Variants in TCF7L2 observed in about 807,000 individuals in gnomAD.
TCF7L2 encodes the protein transcription factor 7-like 2.
TCF7L2 carries 23 observed loss-of-function variants against 77.9 expected under a neutral mutation model. The observed-to-expected ratio is 0.30, with a 90% CI of 0.21 to 0.42. The LOEUF (loss-of-function observed/expected upper bound fraction) is 0.42, where lower values mean the gene tolerates loss of function less well. TCF7L2 is among the 10% of genes least tolerant of loss of function. TCF7L2 has a pLI of 1.00. For missense variants in TCF7L2, 654 were observed against 793.1 expected (o/e 0.82, Z 2.11); for synonymous variants, 413 against 340.2 (o/e 1.21, Z -2.36).
chr10:112,990,481 T>C (rs1318428505), intron 4 of TCF7L2, among the ~76,000 whole-genome samples: 2 of 151,612 alleles, frequency 1.3e-5, no homozygotes, highest in African/African-American at 2.4e-5. Context: ...CTGAGGTGGG[T>C]GGATCGCTTG....
At chr10:113,156,055 G>A (rs1383956097) in intron 11 of TCF7L2, among the ~76,000 whole-genome samples, 1 of 152,082 alleles carries the variant, frequency 6.6e-6, no homozygotes, top group Non-Finnish European at 1.5e-5. Flanking sequence ...TAAGCTTGGT[G>A]GCATCACCAC....
intron 5 of TCF7L2, among the ~76,000 whole-genome samples, chr10:113,063,854 G>C (rs2056857052): frequency 6.6e-6 from 1 of 151,672 alleles, no homozygotes; most frequent in African/African-American, 2.4e-5. Flanking sequence ...AGAGTAGGCA[G>C]TAGGAGAAGA....
At chr10:113,001,909 G>C (rs1442083437) in intron 4 of TCF7L2, among the ~76,000 whole-genome samples, 1 of 152,178 alleles carries the variant, frequency 6.6e-6, no homozygotes, top group Admixed American at 6.5e-5. Flanking sequence ...CTGATTATCA[G>C]CATAGGCAGG....
intron 4 of TCF7L2, among the ~76,000 whole-genome samples, chr10:112,977,730 A>G (rs1319694333): frequency 6.6e-6 from 1 of 152,160 alleles, no homozygotes; most frequent in Non-Finnish European, 1.5e-5. Flanking sequence ...GTTGGTGAAC[A>G]TTAGTCAAAG....
chr10:113,039,628 A>G (rs918092182), intron 4 of TCF7L2, among the ~76,000 whole-genome samples: 1 of 152,144 alleles, frequency 6.6e-6, no homozygotes, highest in Non-Finnish European at 1.5e-5. Flanking sequence ...GTTTCCTAGG[A>G]CACTTCTGGC....
chr10:113,022,764 G>A (rs1034563202), intron 4 of TCF7L2, among the ~76,000 whole-genome samples: 3 of 152,078 alleles, frequency 2.0e-5, no homozygotes, highest in Non-Finnish European at 4.4e-5. Context: ...ATCCTTACAC[G>A]AACTCTGAGA....
chr10:113,095,637 C>T (rs957084275), intron 5 of TCF7L2, among the ~76,000 whole-genome samples: 4 of 152,190 alleles, frequency 2.6e-5, no homozygotes, highest in African/African-American at 7.2e-5. Flanking sequence ...CGCGGAGAAG[C>T]CGGGATCATT....
At chr10:113,146,800 C>T (rs2069521964) in intron 8 of TCF7L2, among the ~76,000 whole-genome samples, 1 of 152,054 alleles carries the variant, frequency 6.6e-6, no homozygotes, top group South Asian at 2.1e-4. Flanking sequence ...CTTATACGCA[C>T]AGCACTTCTC....
rs975993570 is a variant in TCF7L2 at position 113,089,278 on chromosome 10, C to A, written c.552+49152C>A. 8 of 1,127,424 alleles carry A rather than the reference C, an allele frequency of 7.1e-6. No individual in the cohort carries two copies. The African/African-American group carries it at 1.1e-4, about 16-fold the overall frequency. The allele number at this position is 1,127,424 out of a possible 1,614,324, so 69.8% of individuals were successfully genotyped here. ...GTGCTGGGAACTGTAATCCCTCTATCATGGAGCTTCTATAGAAATGTGGGT... is the reference window on the plus strand; with the variant it reads ...GTGCTGGGAACTGTAATCCCTCTATAATGGAGCTTCTATAGAAATGTGGGT... On this transcript the variant is annotated intron_variant, in intron 5 of 13. Transcript: ENST00000627217.
chr10:113,141,472 G>A (rs539929344), intron 6 of TCF7L2, among the ~76,000 whole-genome samples, 156 bp downstream of exon 6: 30 of 152,290 alleles, frequency 2.0e-4, no homozygotes, highest in Admixed American at 6.5e-4. Flanking sequence ...TGTTGAAAAG[G>A]AAGCTCTTTG....
intron 4 of TCF7L2, among the ~76,000 whole-genome samples, chr10:113,010,519 A>G (rs1325552017): frequency 6.6e-6 from 1 of 152,232 alleles, no homozygotes. Context: ...TTTTACCTGC[A>G]TCATCTCAAT....
chr10:113,026,026 G>A (rs989030550), intron 4 of TCF7L2, among the ~76,000 whole-genome samples: 14 of 144,216 alleles, frequency 9.7e-5, no homozygotes, highest in African/African-American at 3.6e-4. Flanking sequence ...CTACAGACAT[G>A]TGCCACCACG....
At chr10:113,106,742 G>C (rs2062374603) in intron 5 of TCF7L2, among the ~76,000 whole-genome samples, 1 of 152,194 alleles carries the variant, frequency 6.6e-6, no homozygotes, top group Admixed American at 6.5e-5. Flanking sequence ...CCATTTATGT[G>C]TGTATTTTGA....
intron 7 of TCF7L2, 90 bp from the exon 8 acceptor site, chr10:113,145,921 G>T: frequency 1.9e-6 from 2 of 1,076,854 alleles, no homozygotes; most frequent in East Asian, 2.4e-5. Context: ...AAAGCTTACT[G>T]TGCAGAGAGA....
intron 5 of TCF7L2, among the ~76,000 whole-genome samples, chr10:113,061,799 C>T (rs1017252538): frequency 1.3e-5 from 2 of 152,308 alleles, no homozygotes; most frequent in African/African-American, 2.4e-5. Context: ...CGCTGGCGAA[C>T]GCACTAGCAG....
chr10:113,065,630 G>A (rs2057147809), intron 5 of TCF7L2, among the ~76,000 whole-genome samples: 1 of 152,148 alleles, frequency 6.6e-6, no homozygotes, highest in African/African-American at 2.4e-5. Flanking sequence ...GTAGCCTGGT[G>A]GTTAGGACCT....
At chr10:113,003,439 C>G (rs2044867533) in intron 4 of TCF7L2, among the ~76,000 whole-genome samples, 1 of 152,196 alleles carries the variant, frequency 6.6e-6, no homozygotes, top group African/African-American at 2.4e-5. Flanking sequence ...GGGATGGTCT[C>G]TGAGGTTGGG....
At chr10:113,048,381 C>T (rs868809563) in intron 5 of TCF7L2, among the ~76,000 whole-genome samples, 4 of 152,096 alleles carry the variant, frequency 2.6e-5, no homozygotes, top group African/African-American at 4.8e-5. Context: ...GCCAAGGAGC[C>T]CTGTGGTTGA....
At chr10:113,143,863 A>G (rs2068810461) in intron 6 of TCF7L2, 60 bp from the exon 7 acceptor site, 1 of 1,297,370 alleles carries the variant, frequency 7.7e-7, no homozygotes, top group Non-Finnish European at 1.1e-6. Context: ...CCCATCCCCT[A>G]ATGGATTGCT....
Sources: gnomAD v4.1 joint callset for allele counts (sites outside exome capture counted in the v4.1 genomes callset) on GRCh38, gnomAD v4.1.1 for gene constraint, MANE v1.5 for transcripts, NCBI Gene and HGNC (gene_info 2026-07-23, HGNC 2026-07-21) for gene names.